The following GALNTL6 variants were observed in gnomAD, a reference collection of about 807,000 sequenced individuals.
The protein encoded by GALNTL6 is polypeptide N-acetylgalactosaminyltransferase-like 6.
In GALNTL6, 46 loss-of-function variants were observed where a neutral mutation model predicts 73.7. The observed-to-expected ratio is 0.62, with a 90% CI of 0.49 to 0.80. The LOEUF (loss-of-function observed/expected upper bound fraction) is 0.80, where lower values mean the gene tolerates loss of function less well. Ranked by LOEUF, GALNTL6 falls within the 30% of genes least tolerant of loss-of-function variation. GALNTL6 has a pLI of 0.00. For missense variants in GALNTL6, 604 were observed against 755.0 expected (o/e 0.80, Z 2.34); for synonymous variants, 259 against 263.7 (o/e 0.98, Z 0.17).
chr4:172,921,810 A>G (rs1747804074), intron 8 of GALNTL6, among the ~76,000 whole-genome samples: 1 of 151,298 alleles, frequency 6.6e-6, no homozygotes, highest in South Asian at 2.1e-4. Flanking sequence ...AAAAAAAAAA[A>G]GCAAAGAAAA....
intron 2 of GALNTL6, among the ~76,000 whole-genome samples, chr4:172,114,847 A>G (rs1174326701): frequency 1.3e-5 from 2 of 151,948 alleles, no homozygotes; most frequent in African/African-American, 4.8e-5. Context: ...CTTTGCTCGA[A>G]CCTCCAAATT....
At chr4:172,528,322 ATATAT>A (rs1561123388) in intron 5 of GALNTL6, among the ~76,000 whole-genome samples, 27 of 7,918 alleles carry the variant, frequency 3.4e-3, no homozygotes, top group African/African-American at 6.3e-3. Context: ...GAAATAAAAT[ATATAT>A]ATATATATAT....
chr4:172,370,570 G>C (rs867339919), intron 5 of GALNTL6, among the ~76,000 whole-genome samples: 1 of 144,484 alleles, frequency 6.9e-6, no homozygotes, highest in Non-Finnish European at 1.5e-5. Context: ...GTCAGAGCTT[G>C]CAGTGAGTCG....
intron 8 of GALNTL6, among the ~76,000 whole-genome samples, chr4:172,898,443 G>C (rs1746446843): frequency 6.8e-6 from 1 of 147,090 alleles, no homozygotes; most frequent in South Asian, 2.1e-4. Flanking sequence ...CTATCAAGAT[G>C]GTATTTAAAA....
intron 9 of GALNTL6, among the ~76,000 whole-genome samples, chr4:172,939,820 AT>A (rs1254577336): frequency 1.3e-5 from 2 of 152,184 alleles, no homozygotes; most frequent in Admixed American, 6.5e-5. Context: ...AAGGGAAACC[AT>A]TCTGTCAGCC....
intron 2 of GALNTL6, among the ~76,000 whole-genome samples, chr4:172,195,162 A>G (rs1735718427): frequency 6.6e-6 from 1 of 152,180 alleles, no homozygotes; most frequent in South Asian, 2.1e-4. Context: ...TACTGACAAA[A>G]CAGCCTTAAA....
chr4:172,249,985 C>T (rs1390763017), intron 3 of GALNTL6, among the ~76,000 whole-genome samples: 1 of 152,132 alleles, frequency 6.6e-6, no homozygotes, highest in African/African-American at 2.4e-5. Context: ...GGCCACCATC[C>T]TCCAGACCCT....
chr4:172,638,247 G>A (rs1739786882), intron 5 of GALNTL6, among the ~76,000 whole-genome samples: 1 of 152,092 alleles, frequency 6.6e-6, no homozygotes, highest in Non-Finnish European at 1.5e-5. Flanking sequence ...GTCCAACAAG[G>A]AGACAAGTAT....
chr4:172,900,539 A>T (rs1474279512), intron 8 of GALNTL6, among the ~76,000 whole-genome samples: 2 of 152,216 alleles, frequency 1.3e-5, no homozygotes, highest in Non-Finnish European at 1.5e-5. Flanking sequence ...TGATTATCAG[A>T]TATTGTTCAA....
At chr4:172,258,503 C>G (rs1180929531) in intron 3 of GALNTL6, among the ~76,000 whole-genome samples, 2 of 151,298 alleles carry the variant, frequency 1.3e-5, no homozygotes, top group Admixed American at 1.3e-4. Context: ...ACTTCAATTA[C>G]TATTGTCCTC....
chr4:172,326,252 T>C (rs1429196676), intron 4 of GALNTL6, among the ~76,000 whole-genome samples: 1 of 151,996 alleles, frequency 6.6e-6, no homozygotes, highest in Admixed American at 6.6e-5. Flanking sequence ...AAATCCATAA[T>C]TTAAGGTTTC....
chr4:172,369,208 C>T (rs1200295899), intron 5 of GALNTL6, among the ~76,000 whole-genome samples: 1 of 152,182 alleles, frequency 6.6e-6, no homozygotes, highest in Admixed American at 6.5e-5. Flanking sequence ...TTGAGCTAGA[C>T]ACAGAGTGCT....
At chr4:172,796,751 C>A (rs545583584) in intron 5 of GALNTL6, among the ~76,000 whole-genome samples, 2 of 152,302 alleles carry the variant, frequency 1.3e-5, no homozygotes, top group East Asian at 3.9e-4. Flanking sequence ...CTGCATATTT[C>A]CTTCTATATT....
intron 4 of GALNTL6, among the ~76,000 whole-genome samples, chr4:172,317,698 G>A (rs915951432): frequency 4.6e-5 from 7 of 152,008 alleles, no homozygotes; most frequent in African/African-American, 1.7e-4. Context: ...TCTTGTCTTT[G>A]TAATCCTAGA....
In GALNTL6 at chr4:171,991,448, T is replaced by C. The variant is rs1579040146; in HGVS notation, c.138+176730T>C. On this transcript the variant is annotated intron_variant, in intron 2 of 12. Transcript: ENST00000506823. ...AATTTGAAGTGTCGTTAACAGAGAGTAAGTATACAAAAATAGTCAAGAGAA... is the reference window on the plus strand; with the variant it reads ...AATTTGAAGTGTCGTTAACAGAGAGCAAGTATACAAAAATAGTCAAGAGAA... Among the ~76,000 whole-genome samples, 3 of 151,836 alleles carry C rather than the reference T, an allele frequency of 2.0e-5. No individual in the cohort carries two copies. The East Asian group carries it at 5.8e-4, about 29-fold the overall frequency.
At chr4:172,963,896 C>T (rs1435300228) in intron 10 of GALNTL6, among the ~76,000 whole-genome samples, 1 of 151,258 alleles carries the variant, frequency 6.6e-6, no homozygotes, top group African/African-American at 2.5e-5. Flanking sequence ...AATTTCCAAA[C>T]TCTGCCTACC....
At chr4:172,823,285 A>T (rs1389846757) in intron 7 of GALNTL6, among the ~76,000 whole-genome samples, 2 of 152,198 alleles carry the variant, frequency 1.3e-5, no homozygotes, top group African/African-American at 2.4e-5. Context: ...CATTGCTAAA[A>T]TATCACCTTC....
chr4:172,948,069 C>T (rs1749260810), intron 9 of GALNTL6, among the ~76,000 whole-genome samples: 1 of 152,154 alleles, frequency 6.6e-6, no homozygotes, highest in Non-Finnish European at 1.5e-5. Context: ...TTTGGCCAGC[C>T]ACCTGGTTAG....
chr4:172,159,984 C>G (rs1233337328), intron 2 of GALNTL6, among the ~76,000 whole-genome samples: 1 of 151,958 alleles, frequency 6.6e-6, no homozygotes, highest in African/African-American at 2.4e-5. Flanking sequence ...CTGGAGTTGT[C>G]ACAGTAGATG....
Sources: gnomAD v4.1 joint callset for allele counts (sites outside exome capture counted in the v4.1 genomes callset) on GRCh38, gnomAD v4.1.1 for gene constraint, MANE v1.5 for transcripts, NCBI Gene and HGNC (gene_info 2026-07-23, HGNC 2026-07-21) for gene names.